Variants in FBXL13 observed in about 807,000 individuals in gnomAD.
FBXL13 encodes F-box and leucine rich repeat protein 13.
A neutral mutation model predicts 83.6 loss-of-function variants in FBXL13; 67 were observed. The ratio of observed to expected loss-of-function variants is 0.80; its 90% CI spans 0.66 to 0.98. The LOEUF (loss-of-function observed/expected upper bound fraction) is 0.98, where lower values mean the gene tolerates loss of function less well. Among genes scored for constraint, FBXL13 ranks in the 50% least tolerant of loss-of-function variants. The pLI, the probability that FBXL13 is intolerant of heterozygous loss-of-function variation, is 0.00. For synonymous variants in FBXL13, 272 were observed against 299.5 expected (o/e 0.91, Z 0.95); for missense variants, 822 against 866.5 (o/e 0.95, Z 0.64).
intron 6 of FBXL13, among the ~76,000 whole-genome samples, chr7:103,015,173 A>T (rs1243770121): frequency 6.6e-6 from 1 of 152,122 alleles, no homozygotes. Context: ...TCAAGAAACT[A>T]GGCACTGAAG....
chr7:103,022,625 G>C (rs761938588), intron 6 of FBXL13, among the ~76,000 whole-genome samples: 1 of 152,008 alleles, frequency 6.6e-6, no homozygotes. Flanking sequence ...AGCCACACGC[G>C]GAATATTGAA....
chr7:103,038,668 T>G (rs1045529582), intron 2 of FBXL13, among the ~76,000 whole-genome samples: 22 of 152,118 alleles, frequency 1.4e-4, no homozygotes, highest in African/African-American at 5.1e-4. Flanking sequence ...TGGTGATACA[T>G]AGGCAAACAA....
chr7:103,060,060 ATATAC>A (rs1227985432), intron 1 of FBXL13, among the ~76,000 whole-genome samples: 13 of 115,636 alleles, frequency 1.1e-4, no homozygotes, highest in East Asian at 6.2e-4. Context: ...ATATATATAT[ATATAC>A]TTTTTTTTTT....
At chr7:102,992,104 A>T (rs1829633104) in intron 6 of FBXL13, among the ~76,000 whole-genome samples, 1 of 152,114 alleles carries the variant, frequency 6.6e-6, no homozygotes, top group South Asian at 2.1e-4. Context: ...GTCTACCTCC[A>T]GACTTCATCC....
chr7:103,064,935 C>A (rs2129501989), intron 1 of FBXL13, among the ~76,000 whole-genome samples: 1 of 152,260 alleles, frequency 6.6e-6, no homozygotes, highest in East Asian at 1.9e-4. Flanking sequence ...CACCAACTTG[C>A]TAGGCATGCA....
chr7:103,007,499 G>A (rs577474158), intron 6 of FBXL13, among the ~76,000 whole-genome samples: 1 of 152,098 alleles, frequency 6.6e-6, no homozygotes, highest in African/African-American at 2.4e-5. Flanking sequence ...ATAACTACAG[G>A]CAAAATGCTT....
At chr7:102,934,440 C>A (rs1819877145) in intron 8 of FBXL13, 3 of 1,614,062 alleles carry the variant, frequency 1.9e-6, no homozygotes, top group Non-Finnish European at 2.5e-6. Context: ...ACGCTTATTT[C>A]AATGTTGCAG....
chr7:102,851,985 T>G (rs1040903595), intron 17 of FBXL13, among the ~76,000 whole-genome samples: 1 of 152,180 alleles, frequency 6.6e-6, no homozygotes, highest in Admixed American at 6.5e-5. Flanking sequence ...TTGAGTAACT[T>G]AAGTTCCTAA....
rs1414065543 is a variant in FBXL13 at position 102,826,769 on chromosome 7, A to ATATATATATATATG, written c.1855-4567_1855-4566insCATATATATATATA. Among the ~76,000 whole-genome samples the ATATATATATATATG allele has an allele frequency of 2.5e-3, 254 of 100,696 alleles. 19 individuals are homozygous for ATATATATATATATG. The highest frequency in any genetic ancestry group is 3.2e-3 in the Non-Finnish European group (159 of 49,910). 66.1% of individuals were successfully genotyped at this position (100,696 alleles called of 152,430 possible). On this transcript the variant is annotated intron_variant, in intron 18 of 19. Coordinates refer to ENST00000313221, the Ensembl canonical transcript of FBXL13. ...TATATATATATATATATATATATAT[A>ATATATATATATATG]TATGTATATATATCTCTAATATATT...
intron 1 of FBXL13, among the ~76,000 whole-genome samples, chr7:103,056,133 A>G (rs532221228): frequency 4.6e-5 from 7 of 152,314 alleles, no homozygotes; most frequent in African/African-American, 1.4e-4. Flanking sequence ...TACTTCACTT[A>G]GAATAATGGT....
chr7:102,934,556 GAAGAA>G (rs1819912961), intron 8 of FBXL13: 1 of 1,472,486 alleles, frequency 6.8e-7, no homozygotes, highest in South Asian at 1.2e-5. Flanking sequence ...GTGTAATGAA[GAAGAA>G]AAGGAACAAT....
intron 5 of FBXL13, among the ~76,000 whole-genome samples, chr7:103,026,585 A>G (rs1181042106): frequency 6.6e-6 from 1 of 152,250 alleles, no homozygotes; most frequent in African/African-American, 2.4e-5. Context: ...AAACCTATAG[A>G]TTATAAACTT....
At chr7:102,957,466 T>C (rs1009095480) in intron 8 of FBXL13, among the ~76,000 whole-genome samples, 2 of 152,072 alleles carry the variant, frequency 1.3e-5, no homozygotes, top group Non-Finnish European at 2.9e-5. Flanking sequence ...ATTCAGGACA[T>C]AGGTATTGGC....
Position 102,813,550 on chromosome 7 carries a change from G to C in FBXL13, c.2019-19C>G. 1 of 1,605,394 alleles carries C rather than the reference G, an allele frequency of 6.2e-7. No individual in the cohort carries two copies. Among genetic ancestry groups the C allele is most frequent in the Non-Finnish European group, 8.5e-7 (1 of 1,176,282 alleles). On this transcript the variant is annotated intron_variant, in intron 19 of 19. Transcript: ENST00000313221. Reference sequence around the variant, plus strand: ...TGCCTTCCTGTAATAACAGTGCTTAGCATTAGCTAGTTGCAGAAGTAACCC... The same window carrying C: ...TGCCTTCCTGTAATAACAGTGCTTACCATTAGCTAGTTGCAGAAGTAACCC...
At chr7:103,047,457 C>T (rs1796384210) in intron 2 of FBXL13, among the ~76,000 whole-genome samples, 1 of 152,158 alleles carries the variant, frequency 6.6e-6, no homozygotes, top group South Asian at 2.1e-4. Flanking sequence ...GGTAATGAGA[C>T]TTAGACTATG....
At chr7:103,012,324 G>A (rs1006253120) in intron 6 of FBXL13, among the ~76,000 whole-genome samples, 7 of 149,816 alleles carry the variant, frequency 4.7e-5, no homozygotes, top group African/African-American at 9.9e-5. Context: ...GCAGTGAGCC[G>A]AGATTGTGCC....
intron 2 of FBXL13, chr7:103,031,043 A>G (rs995097238): frequency 6.6e-6 from 1 of 152,210 alleles, no homozygotes; most frequent in African/African-American, 2.4e-5. Context: ...ATTGGTATAT[A>G]TTCTTTTCTT....
chr7:102,967,928 T>C lies in FBXL13; in HGVS notation c.591+94A>G, dbSNP rs1318063631. 4.7e-6 allele frequency: 4 copies of C among 858,518 alleles called. No homozygotes were observed. In the African/African-American group the frequency reaches 5.0e-5, roughly 11 times the overall value. The allele number at this position is 858,518 out of a possible 1,614,324, so 53.2% of individuals were successfully genotyped here. A position where few individuals can be genotyped will look rare whatever the true frequency, so the allele number is the denominator to read the frequency against. On this transcript the variant is annotated intron_variant, in intron 7 of 19. Coordinates refer to ENST00000313221, the Ensembl canonical transcript of FBXL13. The stretch of plus-strand genomic sequence containing the variant: ...ACTTGCTGCTGGTGACCACAGAGCA[T>C]GGAAGAAGGTGTCCCCACAACAGCT...
At chr7:103,065,089 A>G (rs1170157466) in intron 1 of FBXL13, among the ~76,000 whole-genome samples, 1 of 152,222 alleles carries the variant, frequency 6.6e-6, no homozygotes, top group Non-Finnish European at 1.5e-5. Context: ...GCAATAGATA[A>G]TTGACACACC....
Sources: gnomAD v4.1 joint callset for allele counts (sites outside exome capture counted in the v4.1 genomes callset) on GRCh38, gnomAD v4.1.1 for gene constraint, MANE v1.5 for transcripts, NCBI Gene and HGNC (gene_info 2026-07-23, HGNC 2026-07-21) for gene names.